The following CSMD1 variants were observed in gnomAD, a reference collection of about 807,000 sequenced individuals.
The protein encoded by CSMD1 is CUB and sushi domain-containing protein 1.
CSMD1 carries 213 observed loss-of-function variants against 417.5 expected under a neutral mutation model. The ratio of observed to expected loss-of-function variants is 0.51; its 90% CI spans 0.46 to 0.57. The LOEUF (loss-of-function observed/expected upper bound fraction) is 0.57, where lower values mean the gene tolerates loss of function less well. Ranked by LOEUF, CSMD1 falls within the 20% of genes least tolerant of loss-of-function variation. CSMD1 has a pLI of 0.00. For synonymous variants in CSMD1, 2,862 were observed against 1,736.8 expected, an observed-to-expected ratio of 1.65 and a Z score of -16.11; for missense variants, 6,923 against 4,529.7, an observed-to-expected ratio of 1.53 and a Z score of -15.17.
At chr8:3,905,770 C>A (rs1006397498) in intron 5 of CSMD1, among the ~76,000 whole-genome samples, 6 of 152,206 alleles carry the variant, frequency 3.9e-5, no homozygotes, top group Non-Finnish European at 8.8e-5. Flanking sequence ...TCACCCTAAA[C>A]CTTGCTCAGA....
chr8:4,888,197 G>C (rs745856678), intron 1 of CSMD1, among the ~76,000 whole-genome samples: 1 of 151,798 alleles, frequency 6.6e-6, no homozygotes, highest in Non-Finnish European at 1.5e-5. Context: ...TATTCATGAA[G>C]TATAATAAAA....
intron 3 of CSMD1, among the ~76,000 whole-genome samples, chr8:4,052,989 C>T (rs1021763752): frequency 6.6e-6 from 1 of 152,132 alleles, no homozygotes; most frequent in Non-Finnish European, 1.5e-5. Flanking sequence ...CCCTTACTCT[C>T]AGCTAAAGAA....
At chr8:3,172,501 C>A (rs181382789) in intron 37 of CSMD1, among the ~76,000 whole-genome samples, 1 of 152,152 alleles carries the variant, frequency 6.6e-6, no homozygotes, top group Non-Finnish European at 1.5e-5. Context: ...TGTGCCCCCA[C>A]CTCAAGAATT....
chr8:4,907,068 A>T (rs1249244063), intron 1 of CSMD1, among the ~76,000 whole-genome samples: 1 of 152,100 alleles, frequency 6.6e-6, no homozygotes, highest in Non-Finnish European at 1.5e-5. Context: ...AGAATGTTCT[A>T]TTTTCTGTTT....
chr8:3,975,558 G>C (rs140598628), intron 5 of CSMD1, among the ~76,000 whole-genome samples: 1 of 152,114 alleles, frequency 6.6e-6, no homozygotes, highest in African/African-American at 2.4e-5. Flanking sequence ...TCGGGATGAC[G>C]GGCAGCGCTT....
At chr8:3,284,880 TTCA>T (rs1230025238) in intron 25 of CSMD1, among the ~76,000 whole-genome samples, 2 of 152,198 alleles carry the variant, frequency 1.3e-5, no homozygotes, top group African/African-American at 4.8e-5. Flanking sequence ...ATTTTAAAAC[TTCA>T]TCATTTAAAA....
chr8:3,255,742 C>G (rs924954835), intron 26 of CSMD1, among the ~76,000 whole-genome samples: 2 of 152,148 alleles, frequency 1.3e-5, no homozygotes, highest in East Asian at 1.9e-4. Context: ...GTGGGAGTGA[C>G]CGGATTTTCC....
chr8:4,920,081 G>C (rs1806335823), intron 1 of CSMD1, among the ~76,000 whole-genome samples: 2 of 152,102 alleles, frequency 1.3e-5, no homozygotes. Flanking sequence ...AAAATGAAAA[G>C]ACAAATAGAA....
intron 7 of CSMD1, among the ~76,000 whole-genome samples, chr8:3,679,057 T>C (rs1053960411): frequency 2.6e-5 from 4 of 151,984 alleles, no homozygotes; most frequent in African/African-American, 7.3e-5. Context: ...AAGGAACAAC[T>C]GGTACTAGCC....
chr8:3,888,421 C>T (rs1279046786), intron 5 of CSMD1, among the ~76,000 whole-genome samples: 2 of 152,082 alleles, frequency 1.3e-5, no homozygotes, highest in African/African-American at 4.8e-5. Flanking sequence ...CCTTTTTTTA[C>T]CTTAATGCAA....
chr8:4,283,057 G>C (rs959530304), intron 3 of CSMD1, among the ~76,000 whole-genome samples: 23 of 152,038 alleles, frequency 1.5e-4, no homozygotes, highest in Non-Finnish European at 2.2e-4. Flanking sequence ...CTGATAGTTA[G>C]AAACAGACTG....
intron 21 of CSMD1, among the ~76,000 whole-genome samples, chr8:3,357,706 G>C (rs565205676): frequency 2.6e-5 from 4 of 152,208 alleles, no homozygotes; most frequent in Middle Eastern, 3.4e-3. Flanking sequence ...AACTATCTCA[G>C]TCAGGAGTCT....
At chr8:4,802,021 C>T (rs1331304091) in intron 1 of CSMD1, among the ~76,000 whole-genome samples, 2 of 152,200 alleles carry the variant, frequency 1.3e-5, no homozygotes, top group East Asian at 1.9e-4. Flanking sequence ...CTGGTGTAGA[C>T]AGACCATTTG....
chr8:4,213,144 T>G (rs1034186559), intron 3 of CSMD1, among the ~76,000 whole-genome samples: 3 of 152,080 alleles, frequency 2.0e-5, no homozygotes, highest in Non-Finnish European at 4.4e-5. Flanking sequence ...TCTGGAAAAT[T>G]TCTTACTAGG....
intron 2 of CSMD1, among the ~76,000 whole-genome samples, chr8:4,598,455 A>C (rs1262355367): frequency 6.6e-6 from 1 of 152,202 alleles, no homozygotes; most frequent in African/African-American, 2.4e-5. Flanking sequence ...AATCTGAGTT[A>C]TTTTATTAGT....
chr8:4,696,467 G>C (rs1416140329), intron 1 of CSMD1, among the ~76,000 whole-genome samples: 1 of 152,110 alleles, frequency 6.6e-6, no homozygotes, highest in Admixed American at 6.6e-5. Context: ...TTTATTAAAG[G>C]GAACAGAGGG....
chr8:3,074,059 G>A (rs1176220681), intron 49 of CSMD1, among the ~76,000 whole-genome samples: 1 of 152,252 alleles, frequency 6.6e-6, no homozygotes, highest in Non-Finnish European at 1.5e-5. Context: ...CTCACCTGGA[G>A]GCGCGGGAAG....
At chr8:3,396,986 T>C (rs904056076) in intron 16 of CSMD1, among the ~76,000 whole-genome samples, 13 of 152,134 alleles carry the variant, frequency 8.5e-5, no homozygotes, top group African/African-American at 3.1e-4. Context: ...CTTTAATAAC[T>C]TGAGAAAGTT....
intron 41 of CSMD1, among the ~76,000 whole-genome samples, chr8:3,139,785 C>G (rs955574745): frequency 2.6e-5 from 4 of 151,906 alleles, no homozygotes; most frequent in Non-Finnish European, 5.9e-5. Flanking sequence ...TGGATAGTAG[C>G]TGAAAATGCA....
Sources: gnomAD v4.1 joint callset for allele counts (sites outside exome capture counted in the v4.1 genomes callset) on GRCh38, gnomAD v4.1.1 for gene constraint, MANE v1.5 for transcripts, NCBI Gene and HGNC (gene_info 2026-07-23, HGNC 2026-07-21) for gene names.